The following TMEM26 variants were observed in gnomAD, a reference collection of about 807,000 sequenced individuals.
The protein encoded by TMEM26 is transmembrane protein 26.
TMEM26 carries 38 observed loss-of-function variants against 28.8 expected under a neutral mutation model. That is an observed-to-expected ratio of 1.32 (90% CI 1.02 to 1.73). TMEM26 has a LOEUF of 1.73. Among genes scored for constraint, TMEM26 ranks in the 40% most tolerant of loss-of-function variants. The probability of loss-of-function intolerance (pLI) is 0.00; values close to 1 mark genes in which losing one functional copy is unlikely to be tolerated. For synonymous variants in TMEM26, 227 were observed against 182.9 expected (o/e 1.24, Z -1.95); for missense variants, 518 against 447.1 (o/e 1.16, Z -1.43).
At chr10:61,412,265 T>C (rs1212505607) in intron 5 of TMEM26, among the ~76,000 whole-genome samples, 2 of 152,156 alleles carry the variant, frequency 1.3e-5, no homozygotes, top group African/African-American at 2.4e-5. Flanking sequence ...TGTGTGTGTG[T>C]GTTAGCATAC....
At chr10:61,424,397 A>C (rs1053234895) in intron 4 of TMEM26, among the ~76,000 whole-genome samples, 1 of 152,208 alleles carries the variant, frequency 6.6e-6, no homozygotes, top group Non-Finnish European at 1.5e-5. Flanking sequence ...CATTGCTGAG[A>C]GAAATTAAGG....
At chr10:61,443,964 G>T (rs929491447) in intron 1 of TMEM26, among the ~76,000 whole-genome samples, 2 of 152,096 alleles carry the variant, frequency 1.3e-5, no homozygotes, top group Non-Finnish European at 2.9e-5. Context: ...GAAAATCATG[G>T]CATCCTCCTA....
intron 4 of TMEM26, among the ~76,000 whole-genome samples, chr10:61,423,476 G>T (rs1407568390): frequency 6.6e-6 from 1 of 152,208 alleles, no homozygotes. Flanking sequence ...GAGCACAGTG[G>T]CTCACATCTA....
intron 4 of TMEM26, among the ~76,000 whole-genome samples, chr10:61,416,657 T>TA: frequency 6.6e-6 from 1 of 152,086 alleles, no homozygotes; most frequent in East Asian, 1.9e-4. Flanking sequence ...ATTGGGATAA[T>TA]AAAAAAATTT....
In TMEM26 at chr10:61,410,210, ATGT is replaced by A; in HGVS notation, c.*109_*111del. 8.3e-7 allele frequency: 1 copy of A among 1,209,328 alleles called. No individual in the cohort carries two copies. The highest frequency in any genetic ancestry group is 1.1e-6 in the Non-Finnish European group (1 of 885,108). 74.9% of individuals were successfully genotyped at this position (1,209,328 alleles called of 1,614,324 possible). ...AGCTTTGGTTTAAGATCACCTTTTT[ATGT>A]TGTTCTTTTGAAAATTATTATACGC... On this transcript the variant is annotated 3_prime_UTR_variant, in exon 6 of 6. Transcript: ENST00000399298.
chr10:61,442,929 C>T (rs1840118107), intron 1 of TMEM26, among the ~76,000 whole-genome samples: 1 of 152,122 alleles, frequency 6.6e-6, no homozygotes, highest in Non-Finnish European at 1.5e-5. Flanking sequence ...AACGTGAACC[C>T]AATGTTTTTG....
At chr10:61,450,005 G>A (rs886127608) in intron 1 of TMEM26, among the ~76,000 whole-genome samples, 27 of 152,158 alleles carry the variant, frequency 1.8e-4, no homozygotes, top group Middle Eastern at 3.4e-3. Flanking sequence ...CAGCAAAATA[G>A]CCTATAGTAT....
chr10:61,408,859 A>C lies in TMEM26; in HGVS notation c.*1463T>G, dbSNP rs574518565. 6.6e-6 allele frequency: 1 copy of C among 152,344 alleles called. No homozygotes were observed. The highest frequency in any genetic ancestry group is 2.1e-4 in the South Asian group (1 of 4,828). 9.4% of individuals were successfully genotyped at this position (152,344 alleles called of 1,614,324 possible). On this transcript the variant is annotated 3_prime_UTR_variant, in exon 6 of 6. Coordinates refer to ENST00000399298, the MANE Select transcript of TMEM26 (RefSeq NM_178505.8). ...TGAGAAAATATGCATGACTCTGTAT[A>C]AAAACACAATTTGTCTATAAAAGTT...
chr10:61,451,183 T>C (rs994976922), intron 1 of TMEM26, among the ~76,000 whole-genome samples: 24 of 152,202 alleles, frequency 1.6e-4, no homozygotes, highest in African/African-American at 5.1e-4. Flanking sequence ...CCCAACCATT[T>C]TTCCTCTCTC....
chr10:61,424,256 A>G (rs974907702), intron 4 of TMEM26, among the ~76,000 whole-genome samples: 4 of 152,188 alleles, frequency 2.6e-5, no homozygotes, highest in Non-Finnish European at 5.9e-5. Context: ...CTGTGTTTCT[A>G]TTATAGCAAT....
chr10:61,417,058 C>G (rs555595904), intron 4 of TMEM26, among the ~76,000 whole-genome samples: 4 of 151,882 alleles, frequency 2.6e-5, no homozygotes, highest in Non-Finnish European at 5.9e-5. Context: ...TTAGATCAGA[C>G]AGTAAAAATT....
rs1315966857 is a variant in TMEM26 at position 61,410,521 on chromosome 10, C to T, written c.908G>A (p.Arg303His). 1 of 1,614,086 alleles carries T rather than the reference C, an allele frequency of 6.2e-7. No homozygotes were observed. Among genetic ancestry groups the T allele is most frequent in the Non-Finnish European group, 8.5e-7 (1 of 1,180,028 alleles). The change falls in exon 6 of 6, where the codon CGC becomes CAC. Residue 303 changes from arginine (R) to histidine (H), a missense_variant. Coordinates refer to ENST00000399298, the MANE Select transcript of TMEM26 (RefSeq NM_178505.8). ...NFLVVVLQLY[R>H]LVVLALAVRA... ...GACTGCCAATGCCAGCACCACCAAGCGGTAGAGTTGCAACACCACCACGAG... is the reference window on the plus strand; with the variant it reads ...GACTGCCAATGCCAGCACCACCAAGTGGTAGAGTTGCAACACCACCACGAG...
In TMEM26 at chr10:61,431,275, T is replaced by C; in HGVS notation, c.328A>G (p.Asn110Asp). The stretch of plus-strand genomic sequence containing the variant: ...TGTTCATTGGATGTCAATGTTTGAT[T>C]GAAGTCTTCTTTTCTGCTGGTATTC... The part of the protein sequence containing the change: ...SQNTSRKEDF[N>D]QTLTSNEQTS... Residue 110 changes from asparagine (N) to aspartate (D), a missense_variant, in exon 3 of 6, where the codon AAT becomes GAT. Transcript: ENST00000399298. The C allele has an allele frequency of 6.2e-7, 1 of 1,613,322 alleles. No individual in the cohort carries two copies. The highest frequency in any genetic ancestry group is 8.5e-7 in the Non-Finnish European group (1 of 1,179,432).
At chr10:61,417,560 T>C (rs1839674020) in intron 4 of TMEM26, among the ~76,000 whole-genome samples, 1 of 151,652 alleles carries the variant, frequency 6.6e-6, no homozygotes, top group Non-Finnish European at 1.5e-5. Flanking sequence ...GGAAGAAATA[T>C]TTCACCATTT....
intron 1 of TMEM26, among the ~76,000 whole-genome samples, chr10:61,445,342 C>T (rs1840162010): frequency 6.6e-6 from 1 of 152,156 alleles, no homozygotes; most frequent in Non-Finnish European, 1.5e-5. Flanking sequence ...AGCAAAGGAA[C>T]ACTACAGGAA....
rs1027674036 is a variant in TMEM26, at chr10:61,406,917, C to G, written c.*3405G>C. ...TAGTTTAACCCCAAATCAGATGTTT[C>G]TGAGAGCAAATCAGAATGTCCTCTA... On this transcript the variant is annotated 3_prime_UTR_variant, in exon 6 of 6. Transcript: ENST00000399298. The G allele has an allele frequency of 1.3e-5, 2 of 151,878 alleles. No homozygotes were observed. Among genetic ancestry groups the G allele is most frequent in the African/African-American group, 4.8e-5 (2 of 41,382 alleles). The allele number at this position is 151,878 out of a possible 1,614,324, so 9.4% of individuals were successfully genotyped here.
intron 2 of TMEM26, among the ~76,000 whole-genome samples, chr10:61,433,855 T>C (rs1438792204): frequency 1.3e-5 from 2 of 152,182 alleles, no homozygotes; most frequent in African/African-American, 4.8e-5. Flanking sequence ...AGACATCCAT[T>C]AGGTTCTAAG....
intron 1 of TMEM26, among the ~76,000 whole-genome samples, chr10:61,451,797 A>G (rs1840286371): frequency 6.6e-6 from 1 of 152,218 alleles, no homozygotes; most frequent in African/African-American, 2.4e-5. Flanking sequence ...CATCATCTTC[A>G]GAGGCAACAT....
rs142458873 is a variant in TMEM26 at position 61,416,378 on chromosome 10, T to G, written c.606-2843A>C. Among the ~76,000 whole-genome samples the G allele has an allele frequency of 3.9e-3, 593 of 152,188 alleles. 4 individuals carry two copies. The highest frequency in any genetic ancestry group is 0.014 in the Middle Eastern group (4 of 294). ...ATGTGAGATTCTAATTCCAGATTGA[T>G]CAGTTATTAGTCATATGAATATGCA... On this transcript the variant is annotated intron_variant, in intron 4 of 5. Transcript: ENST00000399298.
Sources: gnomAD v4.1 joint callset for allele counts (sites outside exome capture counted in the v4.1 genomes callset) on GRCh38, gnomAD v4.1.1 for gene constraint, MANE v1.5 for transcripts, NCBI Gene and HGNC (gene_info 2026-07-23, HGNC 2026-07-21) for gene names.